Variants in CRBN observed in about 807,000 individuals in gnomAD.
CRBN encodes the protein protein cereblon.
A neutral mutation model predicts 62.2 loss-of-function variants in CRBN; 53 were observed. The observed-to-expected ratio is 0.85, with a 90% CI of 0.68 to 1.07. CRBN has a LOEUF of 1.07. CRBN is among the 50% of genes least tolerant of loss of function. The pLI, the probability that CRBN is intolerant of heterozygous loss-of-function variation, is 0.00. For synonymous variants in CRBN, 208 were observed against 176.1 expected, an observed-to-expected ratio of 1.18 and a Z score of -1.43; for missense variants, 616 against 531.1, an observed-to-expected ratio of 1.16 and a Z score of -1.57.
chr3:3,169,566 T>G (rs538778945), intron 4 of CRBN, among the ~76,000 whole-genome samples: 26 of 152,276 alleles, frequency 1.7e-4, no homozygotes, highest in Middle Eastern at 6.8e-3. Context: ...AAACTAGCAG[T>G]ATAAACTGTG....
rs923112097 is a variant in CRBN at position 3,150,028 on chromosome 3, G to C, written c.*837C>G. ...AGAACATGTTTAGTTTCACACTTAAGGTTTACTTACTTACAGATTTTCTTC... is the reference window on the plus strand; with the variant it reads ...AGAACATGTTTAGTTTCACACTTAACGTTTACTTACTTACAGATTTTCTTC... On this transcript the variant is annotated 3_prime_UTR_variant, in exon 11 of 11. Coordinates refer to ENST00000231948, the MANE Select transcript of CRBN (RefSeq NM_016302.4). The C allele has an allele frequency of 2.0e-5, 3 of 151,978 alleles. No individual in the cohort carries two copies. The highest frequency in any genetic ancestry group is 7.2e-5 in the African/African-American group (3 of 41,388). The allele number at this position is 151,978 out of a possible 1,614,324, so 9.4% of individuals were successfully genotyped here. A position where few individuals can be genotyped will look rare whatever the true frequency, so the allele number is the denominator to read the frequency against.
intron 3 of CRBN, 88 bp from the exon 4 acceptor site, chr3:3,173,013 C>T: frequency 1.1e-6 from 1 of 946,262 alleles, no homozygotes; most frequent in Admixed American, 1.7e-5. Context: ...TACAGGTAAA[C>T]AATTTATAGA....
chr3:3,156,459 T>C, intron 5 of CRBN, 178 bp from the exon 6 acceptor site: 1 of 612,804 alleles, frequency 1.6e-6, no homozygotes, highest in South Asian at 2.0e-5. Context: ...TCATGCTTCC[T>C]ATATCCTTCA....
At chr3:3,177,699 C>T (rs993776922) in intron 1 of CRBN, among the ~76,000 whole-genome samples, 1 of 152,178 alleles carries the variant, frequency 6.6e-6, no homozygotes, top group Non-Finnish European at 1.5e-5. Context: ...ACTGTTCTGA[C>T]TCCTAGTCTC....
Position 3,172,894 on chromosome 3 carries a change from T to C in CRBN, c.409A>G (p.Thr137Ala). Residue 137 changes from threonine to alanine, a missense_variant, in exon 4 of 11, where the codon ACA becomes GCA. By Grantham distance (58) the Thr-to-Ala change is moderately conservative. Coordinates refer to ENST00000231948, the MANE Select transcript of CRBN (RefSeq NM_016302.4). The part of the protein sequence containing the change: ...NVQEREAQFG[T>A]TAEIYAYREE... ...CGATAGGCATATATCTCTGCTGTTG[T>C]TCCAAACTGTGCTTCCCTTTCCTGT... The C allele has an allele frequency of 6.2e-7, 1 of 1,613,906 alleles. No individual in the cohort carries two copies. Among genetic ancestry groups the C allele is most frequent in the South Asian group, 1.1e-5 (1 of 91,078 alleles).
chr3:3,168,741 AT>A (rs1707459365), intron 4 of CRBN, among the ~76,000 whole-genome samples: 1 of 152,172 alleles, frequency 6.6e-6, no homozygotes, highest in South Asian at 2.1e-4. Context: ...AGAAGGAAAA[AT>A]AACTGAGTGT....
intron 7 of CRBN, 39 bp from the exon 8 acceptor site, chr3:3,154,114 C>G (rs1465515782): frequency 8.4e-7 from 1 of 1,185,856 alleles, no homozygotes; most frequent in South Asian, 1.2e-5. Flanking sequence ...ACTTAGGAGT[C>G]AGATAAGCAT....
intron 4 of CRBN, among the ~76,000 whole-genome samples, chr3:3,168,294 T>G (rs1180601331): frequency 1.3e-5 from 2 of 152,170 alleles, no homozygotes; most frequent in African/African-American, 4.8e-5. Flanking sequence ...AAAATAACAC[T>G]AGAGAGTTAC....
At chr3:3,168,378 AG>A (rs1164176599) in intron 4 of CRBN, among the ~76,000 whole-genome samples, 1 of 152,174 alleles carries the variant, frequency 6.6e-6, no homozygotes, top group Admixed American at 6.5e-5. Flanking sequence ...ACTATAAATT[AG>A]ATTTTTTCTT....
intron 10 of CRBN, 133 bp from the exon 11 acceptor site, chr3:3,151,178 T>C: frequency 2.2e-6 from 2 of 918,004 alleles, no homozygotes; most frequent in Non-Finnish European, 3.3e-6. Context: ...ATTTGATCCA[T>C]ACAGTTCCCT....
chr3:3,163,976 T>C (rs574887141), intron 5 of CRBN, among the ~76,000 whole-genome samples: 16 of 152,352 alleles, frequency 1.1e-4, no homozygotes, highest in South Asian at 4.1e-4. Flanking sequence ...TCTGTTATGA[T>C]GATTTGTGAT....
chr3:3,164,458 C>A (rs977788296), intron 5 of CRBN, among the ~76,000 whole-genome samples: 2 of 152,196 alleles, frequency 1.3e-5, no homozygotes, highest in African/African-American at 4.8e-5. Context: ...CAGAGAAAGT[C>A]CCTAAGTCTC....
chr3:3,174,381 C>G (rs1707746952), intron 2 of CRBN, 120 bp from the exon 3 acceptor site: 1 of 830,806 alleles, frequency 1.2e-6, no homozygotes, highest in East Asian at 2.7e-5. Flanking sequence ...TGGCTCACAC[C>G]TGTAATTCCA....
chr3:3,155,773 C>CA (rs1651066802), intron 6 of CRBN: 1 of 159,194 alleles, frequency 6.3e-6, no homozygotes, highest in Non-Finnish European at 1.4e-5. Context: ...AACAAAATTT[C>CA]ACATGCTTAA....
In CRBN at chr3:3,172,616, C is replaced by G; in HGVS notation, c.527+160G>C. 6 of 692,182 alleles carry G rather than the reference C, an allele frequency of 8.7e-6. No individual in the cohort carries two copies. The South Asian group carries it at 1.0e-4, about 12-fold the overall frequency. 42.9% of individuals were successfully genotyped at this position (692,182 alleles called of 1,614,324 possible). A position where few individuals can be genotyped will look rare whatever the true frequency, so the allele number is the denominator to read the frequency against. ...AAAAGCTTCCCAGGTGATTCTGATGCATAGCAAGGTTGGAAACCACTGGGC... is the reference window on the plus strand; with the variant it reads ...AAAAGCTTCCCAGGTGATTCTGATGGATAGCAAGGTTGGAAACCACTGGGC... On this transcript the variant is annotated intron_variant, in intron 4 of 10. Coordinates refer to ENST00000231948, the MANE Select transcript of CRBN (RefSeq NM_016302.4).
At chr3:3,149,839 ATTAGTT>A (rs1267335222), downstream of CRBN, 2 of 152,156 alleles carry the variant, frequency 1.3e-5, no homozygotes, top group Admixed American at 6.5e-5. Context: ...ATTTAACCTG[ATTAGTT>A]TTAAAGTAGC....
chr3:3,156,172 T>G (rs1706884092), intron 6 of CRBN, 47 bp downstream of exon 6: 1 of 1,472,998 alleles, frequency 6.8e-7, no homozygotes, highest in Non-Finnish European at 9.5e-7. Context: ...CCCTTAATTA[T>G]GACATGGCCT....
At chr3:3,164,649 C>T (rs1047601001) in intron 5 of CRBN, among the ~76,000 whole-genome samples, 2 of 152,178 alleles carry the variant, frequency 1.3e-5, no homozygotes, top group Non-Finnish European at 2.9e-5. Context: ...TTTAAGCCTG[C>T]TGTTGAGACC....
At chr3:3,173,729 TA>T (rs770778752) in intron 3 of CRBN, among the ~76,000 whole-genome samples, 110 of 152,242 alleles carry the variant, frequency 7.2e-4, no homozygotes, top group Non-Finnish European at 1.1e-3. Flanking sequence ...TACGTTAAAA[TA>T]AAAAAGCACT....
Sources: gnomAD v4.1 joint callset for allele counts (sites outside exome capture counted in the v4.1 genomes callset) on GRCh38, gnomAD v4.1.1 for gene constraint, MANE v1.5 for transcripts, NCBI Gene and HGNC (gene_info 2026-07-23, HGNC 2026-07-21) for gene names.